Variants in DLG5 observed in about 807,000 individuals in gnomAD.
DLG5 encodes the protein disks large homolog 5.
A neutral mutation model predicts 189.8 loss-of-function variants in DLG5; 48 were observed. The observed-to-expected ratio is 0.25, with a 90% CI of 0.20 to 0.32. The LOEUF (loss-of-function observed/expected upper bound fraction) is 0.32. Ranked by LOEUF, DLG5 falls within the 10% of genes least tolerant of loss-of-function variation. The probability of loss-of-function intolerance (pLI) is 1.00; values close to 1 mark genes in which losing one functional copy is unlikely to be tolerated. For missense variants in DLG5, 2,160 were observed against 2,544.7 expected (o/e 0.85, Z 3.25); for synonymous variants, 1,016 against 1,054.1 (o/e 0.96, Z 0.70).
chr10:77,806,686 T>C, intron 26 of DLG5, 72 bp downstream of exon 26: 5 of 1,495,338 alleles, frequency 3.3e-6, no homozygotes, highest in South Asian at 1.2e-5. Context: ...CCCCCTCCCA[T>C]GGGACAGCTC....
chr10:77,926,562 G>A lies in DLG5; in HGVS notation c.-42C>T, dbSNP rs1410825566. 7 of 1,209,824 alleles carry A rather than the reference G, an allele frequency of 5.8e-6. 1 individual carries two copies. In the East Asian group the frequency reaches 2.0e-4, roughly 35 times the overall value. 74.9% of individuals were successfully genotyped at this position (1,209,824 alleles called of 1,614,324 possible). ...GCCCCGCCCCGCCGGACGCCTCCCG[G>A]GCCCCCCGAGGCCGGCGGGCGGGCA... On this transcript the variant is annotated 5_prime_UTR_variant, in exon 1 of 32. Coordinates refer to ENST00000372391, the MANE Select transcript of DLG5 (RefSeq NM_004747.4). This position sits in a 1 kb window ranked among gnomAD's most constrained non-coding sequence, Gnocchi z 5.2.
chr10:77,794,513 T>C (rs1212166186), intron 30 of DLG5, among the ~76,000 whole-genome samples: 1 of 152,154 alleles, frequency 6.6e-6, no homozygotes, highest in Non-Finnish European at 1.5e-5. Context: ...CCCAGGCCAC[T>C]GGCTCCCCTG....
intron 1 of DLG5, among the ~76,000 whole-genome samples, chr10:77,915,320 C>G (rs1001293487): frequency 6.7e-6 from 1 of 149,730 alleles, no homozygotes; most frequent in African/African-American, 2.5e-5. Flanking sequence ...GAGTGAGATG[C>G]CGTTTCAAAA....
In DLG5 at chr10:77,854,305, T is replaced by A. The variant is rs1234047005; in HGVS notation, c.602A>T (p.Asp201Val). 1 of 1,614,076 alleles carries A rather than the reference T, an allele frequency of 6.2e-7. No homozygotes were observed. Among genetic ancestry groups the A allele is most frequent in the East Asian group, 2.2e-5 (1 of 44,884 alleles). Residue 201 changes from aspartate to valine, a missense_variant, in exon 4 of 32, where the codon GAC (aspartate) becomes GTC (valine). This residue lies in a region of DLG5 where 664 missense variants were observed against 838.5 expected (regional missense o/e 0.79). Coordinates refer to ENST00000372391, the MANE Select transcript of DLG5 (RefSeq NM_004747.4). Reference protein sequence around the residue: ...LKIQCVRAMSDLQSLQNQHTN... With the variant: ...LKIQCVRAMSVLQSLQNQHTN... ...GTGCTGGTTCTGCAGGCTCTGCAGG[T>A]CCGACATGGCTCGCACGCACTGGAT...
At chr10:77,853,591 C>T in intron 4 of DLG5, 54 bp from the exon 5 acceptor site, 1 of 1,449,792 alleles carries the variant, frequency 6.9e-7, no homozygotes, top group Non-Finnish European at 9.2e-7. Flanking sequence ...CACACCCCGC[C>T]CCACCCCAGG....
the DLG5 span, among the ~76,000 whole-genome samples, chr10:77,933,190 A>C: frequency 6.6e-6 from 1 of 152,108 alleles, no homozygotes; most frequent in Non-Finnish European, 1.5e-5. Context: ...TCTCTGCTAC[A>C]TGCTCTCATT....
At chr10:77,798,896 T>C (rs1057317598) in intron 27 of DLG5, among the ~76,000 whole-genome samples, 14 of 152,192 alleles carry the variant, frequency 9.2e-5, no homozygotes, top group African/African-American at 2.9e-4. Flanking sequence ...AACAATATGA[T>C]AGTGGAAATA....
chr10:77,869,416 G>A, intron 1 of DLG5: 1 of 516,542 alleles, frequency 1.9e-6, no homozygotes, highest in South Asian at 2.4e-5. Flanking sequence ...CTCCTGCTCT[G>A]GGCAGGCGGG....
intron 26 of DLG5, 55 bp from the exon 27 acceptor site, chr10:77,805,916 C>A: frequency 6.6e-7 from 1 of 1,509,112 alleles, no homozygotes; most frequent in South Asian, 1.3e-5. Context: ...CTGCCCTGCC[C>A]TTCCTGCCCT....
At chr10:77,805,315 A>C (rs1383166148) in intron 27 of DLG5, among the ~76,000 whole-genome samples, 1 of 152,194 alleles carries the variant, frequency 6.6e-6, no homozygotes, top group Non-Finnish European at 1.5e-5. Flanking sequence ...GTGGACAATG[A>C]GATGCAAGTT....
upstream of DLG5, among the ~76,000 whole-genome samples, chr10:77,930,500 AC>A (rs576928838): frequency 1.5e-3 from 233 of 151,478 alleles, no homozygotes; most frequent in Non-Finnish European, 3.0e-3. Context: ...GGTGCACACC[AC>A]CAAGCCCGGC....
At chr10:77,911,764 T>C (rs142834960) in intron 1 of DLG5, among the ~76,000 whole-genome samples, 1 of 152,268 alleles carries the variant, frequency 6.6e-6, no homozygotes, top group East Asian at 1.9e-4. Context: ...CCATCTCTAA[T>C]GGCACCGCTT....
rs1319365849 is a variant in DLG5 at position 77,869,060 on chromosome 10, C to CCCCAG, written c.373+64_373+68dup. On this transcript the variant is annotated intron_variant, in intron 2 of 31. Transcript: ENST00000372391. Reference sequence around the variant, plus strand: ...GAGAACCAGCTTCCTCTCCCATGAACCCCAGCTGCCTTGGCTTTCACCCAG... The same window carrying CCCCAG: ...GAGAACCAGCTTCCTCTCCCATGAACCCCAGCCCAGCTGCCTTGGCTTTCACCCAG... 17 of 1,345,668 alleles carry CCCCAG rather than the reference C, an allele frequency of 1.3e-5. No homozygotes were observed. The African/African-American group carries it at 2.0e-4, about 16-fold the overall frequency. 83.4% of individuals were successfully genotyped at this position (1,345,668 alleles called of 1,614,324 possible).
chr10:77,897,719 G>T (rs555633534), intron 1 of DLG5, among the ~76,000 whole-genome samples: 2 of 150,974 alleles, frequency 1.3e-5, no homozygotes, highest in African/African-American at 2.4e-5. Context: ...GAAGGGGAAA[G>T]GGGGAGATAG....
Position 77,811,975 on chromosome 10 carries a change from A to G in DLG5, c.4271T>C (p.Leu1424Pro). The G allele has an allele frequency of 6.2e-7, 1 of 1,610,532 alleles. No homozygotes were observed. Residue 1424 changes from leucine (L) to proline (P), a missense_variant, in exon 22 of 32, where the codon CTG becomes CCG. Physicochemically the swap from Leu to Pro is moderately conservative, Grantham distance 98. Around this residue, in one of 5 missense-constraint regions of DLG5, gnomAD observed 61 missense variants for 101.0 expected, o/e 0.60. Transcript: ENST00000372391. ...IGQQCDTITI[L>P]AQYNPHVHQL... ...GTGCACGTGGGGGTTGTACTGGGCC[A>G]GGATGGTGATGGTATCACACTGCTG...
chr10:77,921,679 C>A (rs1321925140), intron 1 of DLG5, among the ~76,000 whole-genome samples: 1 of 152,210 alleles, frequency 6.6e-6, no homozygotes, highest in Non-Finnish European at 1.5e-5. Flanking sequence ...CTCCATGGCT[C>A]CATGCATTCA....
At chr10:77,880,617 C>T (rs1216386904) in intron 1 of DLG5, among the ~76,000 whole-genome samples, 1 of 152,106 alleles carries the variant, frequency 6.6e-6, no homozygotes, top group Non-Finnish European at 1.5e-5. Flanking sequence ...TCCACCTACC[C>T]CCTGAACTTC....
intron 1 of DLG5, among the ~76,000 whole-genome samples, chr10:77,923,491 C>T (rs1484459657): frequency 1.3e-5 from 2 of 152,258 alleles, no homozygotes; most frequent in Non-Finnish European, 2.9e-5. Flanking sequence ...GGGGCAGTGG[C>T]TCACGCCTGT....
At position 77,822,002 on chromosome 10, in the gene DLG5, G is replaced by A; in HGVS notation, c.2482C>T (p.Gln828Ter). 6.2e-7 allele frequency: 1 copy of A among 1,614,242 alleles called. No homozygotes were observed. Among genetic ancestry groups the A allele is most frequent in the East Asian group, 2.2e-5 (1 of 44,878 alleles). ...ATCAAGTTCCGTTTGTTATGAGCCT[G>A]GACCTCCGGGCCATGGGCTCGAAAA... The part of the protein sequence containing the change: ...LSFRAHGPEV[Q>*]AHNKRNLIQH... The change falls in exon 15 of 32, where the codon CAG becomes TAG. Residue 828 changes from glutamine to a stop codon, truncating the protein, a stop_gained. Coordinates refer to ENST00000372391, the MANE Select transcript of DLG5 (RefSeq NM_004747.4). LOFTEE classifies it high-confidence loss of function.
Sources: allele counts gnomAD v4.1 joint callset (sites outside exome capture counted in the v4.1 genomes callset), GRCh38; gene constraint gnomAD v4.1.1; regional missense constraint gnomAD v4.1.1; non-coding constraint Gnocchi (gnomAD v3.1); transcripts MANE v1.5; gene names NCBI Gene and HGNC (gene_info 2026-07-23, HGNC 2026-07-21).